TNIK: variants seen among roughly 807,000 people sequenced by gnomAD.
The protein encoded by TNIK is TRAF2 and NCK interacting kinase.
TNIK carries 49 observed loss-of-function variants against 191.3 expected under a neutral mutation model. That is an observed-to-expected ratio of 0.26 (90% CI 0.20 to 0.32). The LOEUF (loss-of-function observed/expected upper bound fraction) is 0.32. Among genes scored for constraint, TNIK ranks in the 10% least tolerant of loss-of-function variants. TNIK has a pLI of 1.00. For synonymous variants in TNIK, 594 were observed against 600.9 expected (o/e 0.99, Z 0.17); for missense variants, 1,155 against 1,702.3 (o/e 0.68, Z 5.66).
chr3:171,119,705 A>C (rs1419828501), intron 18 of TNIK, among the ~76,000 whole-genome samples: 9 of 151,356 alleles, frequency 5.9e-5, no homozygotes, highest in Non-Finnish European at 1.2e-4. Flanking sequence ...ACAAAAAAAA[A>C]CAAACACTGC....
At chr3:171,153,754 C>T (rs1484991453) in intron 12 of TNIK, among the ~76,000 whole-genome samples, 1 of 152,222 alleles carries the variant, frequency 6.6e-6, no homozygotes, top group Non-Finnish European at 1.5e-5. Flanking sequence ...CCCTGCATGA[C>T]TGTGCCATGG....
intron 16 of TNIK, among the ~76,000 whole-genome samples, 171 bp downstream of exon 16, chr3:171,128,543 G>A (rs1199515773): frequency 6.6e-6 from 1 of 152,046 alleles, no homozygotes; most frequent in African/African-American, 2.4e-5. Flanking sequence ...TTTCTCACCT[G>A]TTCTTCTACT....
intron 2 of TNIK, among the ~76,000 whole-genome samples, chr3:171,345,576 C>T (rs1712032263): frequency 7.0e-6 from 1 of 142,322 alleles, no homozygotes; most frequent in South Asian, 2.1e-4. Flanking sequence ...ATGGAGCATA[C>T]AATCATAGGG....
intron 2 of TNIK, among the ~76,000 whole-genome samples, chr3:171,359,039 G>A (rs550990185): frequency 6.6e-6 from 1 of 152,236 alleles, no homozygotes; most frequent in South Asian, 2.1e-4. Context: ...GATGGGTAGT[G>A]GTGAAGGTTG....
At chr3:171,080,475 C>T (rs1274957705) in intron 27 of TNIK, among the ~76,000 whole-genome samples, 2 of 151,318 alleles carry the variant, frequency 1.3e-5, no homozygotes, top group East Asian at 3.9e-4. Flanking sequence ...TCACTTTTGT[C>T]GCCAAGGCCG....
At chr3:171,077,612 A>C (rs1252220207) in intron 28 of TNIK, among the ~76,000 whole-genome samples, 1 of 152,094 alleles carries the variant, frequency 6.6e-6, no homozygotes. Flanking sequence ...ACCAGTGCTC[A>C]TAGTGGAACA....
chr3:171,335,673 G>A (rs1332450085), intron 2 of TNIK, among the ~76,000 whole-genome samples: 1 of 152,138 alleles, frequency 6.6e-6, no homozygotes, highest in Non-Finnish European at 1.5e-5. Flanking sequence ...TTTTCCATTT[G>A]ATAAGTATGT....
intron 2 of TNIK, among the ~76,000 whole-genome samples, chr3:171,354,752 C>T (rs751116244): frequency 1.3e-5 from 2 of 152,166 alleles, no homozygotes; most frequent in African/African-American, 4.8e-5. Flanking sequence ...CAATACCTAT[C>T]TTACTTTTAG....
intron 2 of TNIK, among the ~76,000 whole-genome samples, chr3:171,341,816 G>A (rs767633250): frequency 1.3e-5 from 2 of 152,088 alleles, no homozygotes; most frequent in South Asian, 4.1e-4. Context: ...AGCTCACCAA[G>A]CACTGTTGAA....
intron 3 of TNIK, among the ~76,000 whole-genome samples, chr3:171,217,238 G>A (rs1320465807): frequency 6.6e-6 from 1 of 152,150 alleles, no homozygotes; most frequent in Admixed American, 6.6e-5. Flanking sequence ...ATGGAATCAT[G>A]TCCTTTTCAG....
intron 2 of TNIK, among the ~76,000 whole-genome samples, chr3:171,343,312 GACTAA>G (rs1436735439): frequency 6.6e-6 from 1 of 152,146 alleles, no homozygotes; most frequent in African/African-American, 2.4e-5. Flanking sequence ...ATGAAAATGA[GACTAA>G]ACTAGTGAAA....
chr3:171,145,308 G>GAT (rs1731405532), intron 12 of TNIK, among the ~76,000 whole-genome samples: 1 of 151,966 alleles, frequency 6.6e-6, no homozygotes, highest in Non-Finnish European at 1.5e-5. Flanking sequence ...GGATGGTCTC[G>GAT]ATCTCCTGAC....
rs529048944 is a variant in TNIK at position 171,202,676 on chromosome 3, A to G, written c.307-8041T>C. On this transcript the variant is annotated intron_variant, in intron 4 of 32. Coordinates refer to ENST00000436636, the MANE Select transcript of TNIK (RefSeq NM_015028.4). ...ATCAAAGAATCACCCATTAATTCAT[A>G]AAATAGCTCTATTAAAGCTCAACAC... Among the ~76,000 whole-genome samples, 9 of 152,354 alleles carry G rather than the reference A, an allele frequency of 5.9e-5. No homozygotes were observed. The South Asian group carries it at 1.9e-3, about 32-fold the overall frequency.
intron 2 of TNIK, among the ~76,000 whole-genome samples, chr3:171,365,474 G>A (rs1030789327): frequency 1.3e-5 from 2 of 151,900 alleles, no homozygotes; most frequent in African/African-American, 4.8e-5. Flanking sequence ...GAGCCACCGC[G>A]CCCGGCCCAA....
intron 2 of TNIK, among the ~76,000 whole-genome samples, chr3:171,253,700 C>T (rs1288295898): frequency 6.7e-6 from 1 of 148,400 alleles, no homozygotes; most frequent in Non-Finnish European, 1.5e-5. Context: ...ATTACCTTCT[C>T]CCGAATCCTC....
intron 22 of TNIK, among the ~76,000 whole-genome samples, chr3:171,098,597 G>T (rs572614886): frequency 6.6e-6 from 1 of 152,180 alleles, no homozygotes; most frequent in African/African-American, 2.4e-5. Context: ...ACAGCTGTTT[G>T]TCAAAATGGC....
intron 3 of TNIK, among the ~76,000 whole-genome samples, chr3:171,221,159 A>AC (rs1742278772): frequency 6.6e-6 from 1 of 152,222 alleles, no homozygotes; most frequent in Non-Finnish European, 1.5e-5. Context: ...TATTAGGAAG[A>AC]CAAAAAAAGC....
chr3:171,302,052 T>C (rs941651925), intron 2 of TNIK, among the ~76,000 whole-genome samples: 1 of 151,512 alleles, frequency 6.6e-6, no homozygotes, highest in Non-Finnish European at 1.5e-5. Flanking sequence ...CCAGTGTACA[T>C]TGTATTACTC....
At chr3:171,176,978 T>C (rs1736037682) in intron 8 of TNIK, among the ~76,000 whole-genome samples, 1 of 152,232 alleles carries the variant, frequency 6.6e-6, no homozygotes, top group South Asian at 2.1e-4. Context: ...TTTTGGATTT[T>C]CATACATTGG....
Sources: allele counts gnomAD v4.1 joint callset (sites outside exome capture counted in the v4.1 genomes callset), GRCh38; gene constraint gnomAD v4.1.1; transcripts MANE v1.5; gene names NCBI Gene and HGNC (gene_info 2026-07-23, HGNC 2026-07-21).